CNTN5: variants seen among roughly 807,000 people sequenced by gnomAD.
CNTN5 encodes contactin 5.
CNTN5 carries 77 observed loss-of-function variants against 129.1 expected under a neutral mutation model. That is an observed-to-expected ratio of 0.60 (90% CI 0.50 to 0.72). The LOEUF (loss-of-function observed/expected upper bound fraction) is 0.72, where lower values mean the gene tolerates loss of function less well. Among genes scored for constraint, CNTN5 ranks in the 30% least tolerant of loss-of-function variants. The pLI, the probability that CNTN5 is intolerant of heterozygous loss-of-function variation, is 0.00. For synonymous variants in CNTN5, 509 were observed against 465.6 expected, an observed-to-expected ratio of 1.09 and a Z score of -1.20; for missense variants, 1,478 against 1,328.8, an observed-to-expected ratio of 1.11 and a Z score of -1.75.
Position 99,953,399 on chromosome 11 carries a change from C to A in CNTN5, c.674-3407C>A, listed in dbSNP as rs1320356916. On this transcript the variant is annotated intron_variant, in intron 7 of 24. Coordinates refer to ENST00000524871, the MANE Select transcript of CNTN5 (RefSeq NM_014361.4). ...TTCAATTAGGGCAGGAGACAGCTAACCTGGAAATGTTCTCACTACCAAAAT... is the reference window on the plus strand; with the variant it reads ...TTCAATTAGGGCAGGAGACAGCTAAACTGGAAATGTTCTCACTACCAAAAT... 2.0e-5 allele frequency among the ~76,000 whole-genome samples: 3 copies of A among 152,122 alleles called. No homozygotes were observed. The South Asian group carries it at 6.2e-4, about 32-fold the overall frequency.
intron 1 of CNTN5, among the ~76,000 whole-genome samples, chr11:99,104,900 C>CA (rs977207166): frequency 3.3e-5 from 5 of 151,892 alleles, no homozygotes; most frequent in African/African-American, 1.2e-4. Flanking sequence ...AACAAAATAG[C>CA]AACTTTTAAA....
At chr11:99,053,360 A>G (rs1260218365) in intron 1 of CNTN5, among the ~76,000 whole-genome samples, 1 of 151,980 alleles carries the variant, frequency 6.6e-6, no homozygotes, top group African/African-American at 2.4e-5. Context: ...CCAAATGTAC[A>G]TTCTTTTTCT....
intron 3 of CNTN5, among the ~76,000 whole-genome samples, chr11:99,758,860 T>C (rs895285706): frequency 6.6e-6 from 1 of 152,040 alleles, no homozygotes; most frequent in Admixed American, 6.6e-5. Flanking sequence ...AAAGGCAGTA[T>C]TGAGAAAAAC....
intron 1 of CNTN5, among the ~76,000 whole-genome samples, chr11:99,324,965 A>G (rs1337408968): frequency 6.6e-6 from 1 of 152,140 alleles, no homozygotes; most frequent in African/African-American, 2.4e-5. Context: ...AAAATAAATA[A>G]TAAATTTAAC....
intron 2 of CNTN5, among the ~76,000 whole-genome samples, chr11:99,373,260 T>G (rs1939941332): frequency 6.6e-6 from 1 of 151,944 alleles, no homozygotes; most frequent in African/African-American, 2.4e-5. Flanking sequence ...GCCTAACAAA[T>G]AGAGTACAAA....
At chr11:99,849,880 T>A (rs1237336942) in intron 6 of CNTN5, among the ~76,000 whole-genome samples, 1 of 152,130 alleles carries the variant, frequency 6.6e-6, no homozygotes, top group Admixed American at 6.5e-5. Context: ...GTGTATTGGA[T>A]TTCTTTTTTG....
At chr11:99,871,484 T>C (rs1948501422) in intron 6 of CNTN5, among the ~76,000 whole-genome samples, 1 of 152,074 alleles carries the variant, frequency 6.6e-6, no homozygotes, top group Non-Finnish European at 1.5e-5. Flanking sequence ...CAGGCTGGTG[T>C]TAACAGCTGT....
At chr11:99,666,393 G>A (rs1313591604) in intron 3 of CNTN5, among the ~76,000 whole-genome samples, 1 of 152,134 alleles carries the variant, frequency 6.6e-6, no homozygotes, top group Non-Finnish European at 1.5e-5. Flanking sequence ...GAGTAGGCTG[G>A]AGACTGTTAG....
intron 2 of CNTN5, among the ~76,000 whole-genome samples, chr11:99,387,952 A>C (rs994269590): frequency 2.8e-5 from 4 of 143,354 alleles, no homozygotes; most frequent in African/African-American, 9.8e-5. Context: ...GGTGAGGTCC[A>C]TGTATCAAAA....
intron 3 of CNTN5, among the ~76,000 whole-genome samples, chr11:99,710,707 G>T (rs1230148981): frequency 6.6e-6 from 1 of 151,570 alleles, no homozygotes; most frequent in Non-Finnish European, 1.5e-5. Context: ...TGACTACACA[G>T]TTCAATATTA....
chr11:99,257,874 G>A (rs1012731224), intron 1 of CNTN5, among the ~76,000 whole-genome samples: 28 of 152,002 alleles, frequency 1.8e-4, no homozygotes, highest in African/African-American at 6.5e-4. Context: ...TAATTATCAA[G>A]TATGTCACCT....
At chr11:99,832,522 C>T (rs1947175035) in intron 4 of CNTN5, among the ~76,000 whole-genome samples, 1 of 152,164 alleles carries the variant, frequency 6.6e-6, no homozygotes, top group African/African-American at 2.4e-5. Context: ...TCGTTCTCTT[C>T]AATTCTTAGA....
intron 1 of CNTN5, among the ~76,000 whole-genome samples, chr11:99,082,218 G>C (rs1865831767): frequency 2.2e-5 from 3 of 138,396 alleles, no homozygotes; most frequent in Admixed American, 1.5e-4. Flanking sequence ...ACTGAGTCTT[G>C]CCCTGTCGTC....
chr11:100,042,219 TTCTC>T (rs199622266), intron 9 of CNTN5, among the ~76,000 whole-genome samples: 1 of 150,052 alleles, frequency 6.7e-6, no homozygotes, highest in East Asian at 1.9e-4. Flanking sequence ...TTTAGTTTTG[TTCTC>T]TCTCTTTTTT....
At chr11:99,200,890 T>TGA (rs1468256115) in intron 1 of CNTN5, among the ~76,000 whole-genome samples, 1 of 152,138 alleles carries the variant, frequency 6.6e-6, no homozygotes, top group Non-Finnish European at 1.5e-5. Flanking sequence ...TCTCAATCCC[T>TGA]AAATCACCTT....
chr11:99,094,541 G>A (rs979854066), intron 1 of CNTN5, among the ~76,000 whole-genome samples: 1 of 151,942 alleles, frequency 6.6e-6, no homozygotes, highest in Non-Finnish European at 1.5e-5. Context: ...GGATGGAAAC[G>A]TCTCGTAATA....
Position 100,340,603 on chromosome 11 carries a change from A to T in CNTN5, c.2871A>T (p.Gly957=). The T allele has an allele frequency of 6.2e-7, 1 of 1,613,190 alleles. No individual in the cohort carries two copies. The highest frequency in any genetic ancestry group is 1.1e-5 in the South Asian group (1 of 90,886). ...CAGTGAGGGCTTACAATGGAGCTGG[A>T]TATGGGCCACCTAGCAGTGAAGTGA... ...HFTVRAYNGA[G]YGPPSSEVSA... Residue 957 remains glycine, a synonymous_variant, in exon 22 of 25, where the codon GGA becomes GGT. Transcript: ENST00000524871.
At chr11:99,127,573 A>G (rs1470941560) in intron 1 of CNTN5, among the ~76,000 whole-genome samples, 1 of 152,120 alleles carries the variant, frequency 6.6e-6, no homozygotes, top group Non-Finnish European at 1.5e-5. Context: ...TCACTTCACC[A>G]GTTCTCTGCA....
intron 18 of CNTN5, 106 bp downstream of exon 18, chr11:100,271,347 C>A: frequency 1.5e-6 from 1 of 665,040 alleles, no homozygotes; most frequent in South Asian, 4.3e-5. Flanking sequence ...CATAATTTGT[C>A]CTGATTCATT....
Sources: gnomAD v4.1 joint callset for allele counts (sites outside exome capture counted in the v4.1 genomes callset) on GRCh38, gnomAD v4.1.1 for gene constraint, MANE v1.5 for transcripts, NCBI Gene and HGNC (gene_info 2026-07-23, HGNC 2026-07-21) for gene names.